Variants in SHPK observed in about 807,000 individuals in gnomAD.
The protein encoded by SHPK is sedoheptulokinase.
In SHPK, 51 loss-of-function variants were observed where a neutral mutation model predicts 46.3. The ratio of observed to expected loss-of-function variants is 1.10; its 90% CI spans 0.88 to 1.39. The LOEUF (loss-of-function observed/expected upper bound fraction) is 1.39. Ranked by LOEUF, SHPK falls within the 40% of genes most tolerant of loss-of-function variation. SHPK has a pLI of 0.00. For synonymous variants in SHPK, 290 were observed against 273.9 expected, an observed-to-expected ratio of 1.06 and a Z score of -0.58; for missense variants, 668 against 641.3, an observed-to-expected ratio of 1.04 and a Z score of -0.45.
At chr17:3,622,541 T>A in intron 4 of SHPK, 1 of 977,790 alleles carries the variant, frequency 1.0e-6, no homozygotes, top group Non-Finnish European at 1.2e-6. Flanking sequence ...GAAAGTCCTT[T>A]ACCTGAACTA....
intron 5 of SHPK, chr17:3,619,744 A>G: frequency 2.6e-6 from 1 of 387,486 alleles, no homozygotes. Flanking sequence ...AAAAAAAAAA[A>G]AAAATTTGGA....
rs2075522156 is a variant in SHPK, at chr17:3,636,034, C to A, written c.168+18G>T. ...AGGAGGCTCCTGGAGGCGGCGCGGC[C>A]CCGGGGGTCCAACTCACCTGGGGCC... On this transcript the variant is annotated intron_variant, in intron 1 of 6. Coordinates refer to ENST00000225519, the MANE Select transcript of SHPK (RefSeq NM_013276.4). 2.0e-6 allele frequency: 3 copies of A among 1,529,300 alleles called. No individual in the cohort carries two copies. In the African/African-American group the frequency reaches 4.2e-5, roughly 21 times the overall value. 94.7% of individuals were successfully genotyped at this position (1,529,300 alleles called of 1,614,324 possible). A position where few individuals can be genotyped will look rare whatever the true frequency, so the allele number is the denominator to read the frequency against.
intron 2 of SHPK, among the ~76,000 whole-genome samples, chr17:3,627,774 A>C (rs1040380352): frequency 6.0e-5 from 9 of 150,496 alleles, no homozygotes; most frequent in Non-Finnish European, 1.3e-4. Context: ...GATCACAATC[A>C]TCAGCTCTCT....
rs2075324879 is a variant in SHPK, at chr17:3,609,771, T to C, written c.*789A>G. The C allele has an allele frequency of 6.6e-6, 1 of 152,360 alleles. No homozygotes were observed. Among genetic ancestry groups the C allele is most frequent in the Admixed American group, 6.5e-5 (1 of 15,284 alleles). 9.4% of individuals were successfully genotyped at this position (152,360 alleles called of 1,614,324 possible). A position where few individuals can be genotyped will look rare whatever the true frequency, so the allele number is the denominator to read the frequency against. ...CTGGCAAGGGGTCCTGCTGGTGCCT[T>C]GTCAGGTTCTGGAGTGGTGTGAGCT... is the stretch of plus-strand genomic sequence containing the variant. On this transcript the variant is annotated 3_prime_UTR_variant, in exon 7 of 7. Coordinates refer to ENST00000225519, the MANE Select transcript of SHPK (RefSeq NM_013276.4).
At position 3,610,424 on chromosome 17, in the gene SHPK, C is replaced by T; in HGVS notation, c.*136G>A. 4 of 916,244 alleles carry T rather than the reference C, an allele frequency of 4.4e-6. No individual in the cohort carries two copies. Among genetic ancestry groups the T allele is most frequent in the East Asian group, 2.5e-5 (1 of 40,808 alleles). 56.8% of individuals were successfully genotyped at this position (916,244 alleles called of 1,614,324 possible). ...TATGTTCTGAAGGTAAGTTCTTGGC[C>T]GAGATGGGACCTCACAACAAGCACT... On this transcript the variant is annotated 3_prime_UTR_variant, in exon 7 of 7. Transcript: ENST00000225519.
intron 3 of SHPK, 152 bp from the exon 4 acceptor site, chr17:3,623,643 G>T: frequency 1.3e-6 from 1 of 770,742 alleles, no homozygotes; most frequent in Non-Finnish European, 2.2e-6. Context: ...TGGGTCCCTG[G>T]GATTAGGACC....
At chr17:3,630,911 G>A (rs186483748) in intron 1 of SHPK, among the ~76,000 whole-genome samples, 1 of 152,192 alleles carries the variant, frequency 6.6e-6, no homozygotes, top group East Asian at 1.9e-4. Flanking sequence ...AGAGAAGAAG[G>A]GGAAGAGAAT....
In SHPK at chr17:3,612,983, T is replaced by G. The variant is rs566043745; in HGVS notation, c.1025-2011A>C. Among the ~76,000 whole-genome samples the G allele has an allele frequency of 7.0e-4, 107 of 152,052 alleles. 1 individual carries two copies. The highest frequency in any genetic ancestry group is 2.5e-3 in the African/African-American group (102 of 41,466). On this transcript the variant is annotated intron_variant, in intron 6 of 6. Coordinates refer to ENST00000225519, the MANE Select transcript of SHPK (RefSeq NM_013276.4). ...GCCAGGCTGGTCTGGAACTCCTGAC[T>G]TCGTGATCCGCCCACCTCGGCCTCC...
chr17:3,629,252 G>C (rs1275946121), intron 2 of SHPK, among the ~76,000 whole-genome samples: 7 of 152,100 alleles, frequency 4.6e-5, no homozygotes, highest in Non-Finnish European at 1.0e-4. Flanking sequence ...AGGTTGTTGG[G>C]AATATCCGAC....
intron 5 of SHPK, among the ~76,000 whole-genome samples, chr17:3,616,949 G>T (rs1383689466): frequency 6.6e-6 from 1 of 152,126 alleles, no homozygotes; most frequent in Non-Finnish European, 1.5e-5. Context: ...ATGTTGGCCA[G>T]GCTGGTCTCG....
At chr17:3,635,748 G>T (rs1443355225) in intron 1 of SHPK, among the ~76,000 whole-genome samples, 1 of 152,124 alleles carries the variant, frequency 6.6e-6, no homozygotes, top group Non-Finnish European at 1.5e-5. Context: ...CAAGAGATCA[G>T]TTCCTCCAAG....
Position 3,610,694 on chromosome 17 carries a change from A to T in SHPK, c.1303T>A (p.Ser435Thr). The change falls in exon 7 of 7, where the codon TCC becomes ACC. Residue 435 changes from serine (S) to threonine (T), a missense_variant. By Grantham distance (58) the Ser-to-Thr change is moderately conservative. Transcript: ENST00000225519. ...ERVMGSGSAL[S>T]RNDVLKQEVQ... ...TCCTGCTTCAGCACGTCATTCCTGG[A>T]CAGCGCACTCCCACTGCCCATCACC... 6.2e-7 allele frequency: 1 copy of T among 1,614,068 alleles called. No individual in the cohort carries two copies. The highest frequency in any genetic ancestry group is 1.3e-5 in the African/African-American group (1 of 75,022).
intron 1 of SHPK, among the ~76,000 whole-genome samples, chr17:3,635,368 T>C (rs2075511675): frequency 6.6e-6 from 1 of 151,604 alleles, no homozygotes. Flanking sequence ...CCCGAGTAGC[T>C]GGGACTACAG....
At chr17:3,618,482 T>C (rs1486694049) in intron 5 of SHPK, among the ~76,000 whole-genome samples, 1 of 152,138 alleles carries the variant, frequency 6.6e-6, no homozygotes, top group Non-Finnish European at 1.5e-5. Flanking sequence ...ATATACCACA[T>C]TATAAAAATT....
At chr17:3,629,039 T>C (rs1034396673) in intron 2 of SHPK, among the ~76,000 whole-genome samples, 1 of 152,102 alleles carries the variant, frequency 6.6e-6, no homozygotes, top group Admixed American at 6.6e-5. Flanking sequence ...CTGGGAAGTC[T>C]CTCACTGAGC....
In SHPK at chr17:3,619,819, T is replaced by C. The variant is rs574120306; in HGVS notation, c.823+1418A>G. On this transcript the variant is annotated intron_variant, in intron 5 of 6. Transcript: ENST00000225519. ...TTCTGACCATCCTGCTGCTTTAAGA[T>C]TGAGTATAGCTTGGTTCCTCTCCTC... is the stretch of plus-strand genomic sequence containing the variant. The C allele has an allele frequency of 6.5e-5, 30 of 458,420 alleles. No homozygotes were observed. The Admixed American group carries it at 7.2e-4, about 11-fold the overall frequency. 28.4% of individuals were successfully genotyped at this position (458,420 alleles called of 1,614,324 possible). A position where few individuals can be genotyped will look rare whatever the true frequency, so the allele number is the denominator to read the frequency against.
intron 1 of SHPK, among the ~76,000 whole-genome samples, chr17:3,633,170 A>G (rs1026564579): frequency 6.6e-5 from 10 of 151,094 alleles, no homozygotes; most frequent in African/African-American, 2.2e-4. Context: ...TAGTAGAGAC[A>G]GGGTTTCACC....
At chr17:3,617,428 A>T (rs1203914143) in intron 5 of SHPK, among the ~76,000 whole-genome samples, 1 of 152,182 alleles carries the variant, frequency 6.6e-6, no homozygotes, top group Non-Finnish European at 1.5e-5. Flanking sequence ...CAGAAACTGG[A>T]ACAGGTGCTG....
Position 3,624,207 on chromosome 17 carries a change from A to G in SHPK, c.335T>C (p.Ile112Thr). ...AGCTCGGGGCTCGAACACCGGGGTAATCCCTCCCTCTGTCCATTCACAGCC... is the reference window on the plus strand; with the variant it reads ...AGCTCGGGGCTCGAACACCGGGGTAGTCCCTCCCTCTGTCCATTCACAGCC... ...GQGCEWTEGG[I>T]TPVFEPRAVS... The change falls in exon 3 of 7, where the codon ATT becomes ACT. Residue 112 changes from isoleucine (I) to threonine (T), a missense_variant. By Grantham distance (89) the Ile-to-Thr change is moderately conservative. Coordinates refer to ENST00000225519, the MANE Select transcript of SHPK (RefSeq NM_013276.4). 6.2e-7 allele frequency: 1 copy of G among 1,613,464 alleles called. No homozygotes were observed. Among genetic ancestry groups the G allele is most frequent in the South Asian group, 1.1e-5 (1 of 91,006 alleles).
Sources: allele counts gnomAD v4.1 joint callset (sites outside exome capture counted in the v4.1 genomes callset), GRCh38; gene constraint gnomAD v4.1.1; transcripts MANE v1.5; gene names NCBI Gene and HGNC (gene_info 2026-07-23, HGNC 2026-07-21).